HIBCH: variants seen among roughly 807,000 people sequenced by gnomAD.
HIBCH encodes the protein 3-hydroxyisobutyryl-CoA hydrolase, also known as 3-hydroxyisobutyryl-CoA hydrolase, mitochondrial.
In HIBCH, 50 loss-of-function variants were observed where a neutral mutation model predicts 58.2. The ratio of observed to expected loss-of-function variants is 0.86; its 90% CI spans 0.68 to 1.09. HIBCH has a LOEUF of 1.09. HIBCH is among the 50% of genes least tolerant of loss of function. The pLI, the probability that HIBCH is intolerant of heterozygous loss-of-function variation, is 0.00. For missense variants in HIBCH, 450 were observed against 449.7 expected (o/e 1.00, Z -0.01); for synonymous variants, 151 against 146.9 (o/e 1.03, Z -0.20).
Position 190,252,247 on chromosome 2 carries a change from T to A in HIBCH, c.578A>T (p.Tyr193Phe). 3 of 1,612,626 alleles carry A rather than the reference T, an allele frequency of 1.9e-6. No individual in the cohort carries two copies. The highest frequency in any genetic ancestry group is 2.5e-6 in the Non-Finnish European group (3 of 1,178,670). ...TCTGAATCCTGTTAATGCAAGGAAGTAACCAAGTTTTCCTTGGAGTCGTGG... is the reference window on the plus strand; with the variant it reads ...TCTGAATCCTGTTAATGCAAGGAAGAAACCAAGTTTTCCTTGGAGTCGTGG... ...FLPRLQGKLGYFLALTGFRLK... is the reference protein window; with the variant it reads ...FLPRLQGKLGFFLALTGFRLK... The change falls in exon 8 of 14, where the codon TAC becomes TTC. Residue 193 changes from tyrosine to phenylalanine, a missense_variant. Physicochemically the swap from Tyr to Phe is conservative, Grantham distance 22. Coordinates refer to ENST00000359678, the MANE Select transcript of HIBCH (RefSeq NM_014362.4).
rs760216966 is a variant in HIBCH at position 190,204,926 on chromosome 2, CTTTA to C, written c.*187_*190del. 1.5e-5 allele frequency: 9 copies of C among 594,482 alleles called. No homozygotes were observed. The highest frequency in any genetic ancestry group is 5.9e-5 in the East Asian group (2 of 34,056). The allele number at this position is 594,482 out of a possible 1,614,324, so 36.8% of individuals were successfully genotyped here. A position where few individuals can be genotyped will look rare whatever the true frequency, so the allele number is the denominator to read the frequency against. On this transcript the variant is annotated 3_prime_UTR_variant, in exon 14 of 14. Transcript: ENST00000359678. ...ATGAGTATAGCTAGTTCCAATAAAG[CTTTA>C]TTTGTGAATTCTGATAATTTTCACG... is the stretch of plus-strand genomic sequence containing the variant.
At chr2:190,202,535 A>G (rs753562275), downstream of HIBCH, 226 of 167,196 alleles carry the variant, frequency 1.4e-3, 1 homozygote, top group Non-Finnish European at 4.4e-4. Flanking sequence ...ATGGATGAGA[A>G]TATCACTGAT....
intron 11 of HIBCH, among the ~76,000 whole-genome samples, chr2:190,219,539 T>C (rs1029416868): frequency 2.0e-5 from 3 of 152,316 alleles, no homozygotes; most frequent in African/African-American, 7.2e-5. Context: ...TTTGTTCTTA[T>C]CGGCCTGCCC....
intron 11 of HIBCH, among the ~76,000 whole-genome samples, chr2:190,221,536 T>C (rs543172835): frequency 5.3e-5 from 8 of 152,194 alleles, no homozygotes; most frequent in Non-Finnish European, 1.2e-4. Flanking sequence ...CTGATACTGA[T>C]AGGGACAGGA....
In HIBCH at chr2:190,213,846, G is replaced by A. The variant is rs1396989532; in HGVS notation, c.892-771C>T. ...GGACTCAGCCTATAAGGAACCGGGG[G>A]AGGGACCTGTGCACTAGGAGGTTAA... On this transcript the variant is annotated intron_variant, in intron 11 of 13. Transcript: ENST00000359678. 2.0e-5 allele frequency: 3 copies of A among 152,218 alleles called. No individual in the cohort carries two copies. The East Asian group carries it at 5.8e-4, about 29-fold the overall frequency. 9.4% of individuals were successfully genotyped at this position (152,218 alleles called of 1,614,324 possible).
At chr2:190,191,422 G>A (rs957298484) in intron 1 of HIBCH, among the ~76,000 whole-genome samples, 1 of 152,176 alleles carries the variant, frequency 6.6e-6, no homozygotes, top group Non-Finnish European at 1.5e-5. Flanking sequence ...TGGGATTACA[G>A]GCATGCGCCA....
chr2:190,287,907 A>T (rs1384030041), intron 5 of HIBCH, among the ~76,000 whole-genome samples: 1 of 151,968 alleles, frequency 6.6e-6, no homozygotes, highest in Non-Finnish European at 1.5e-5. Flanking sequence ...CTGTAATCTA[A>T]CCTCTTTGGG....
At chr2:190,189,945 G>A (rs1022933307) in exon 2 of HIBCH, 1 of 152,370 alleles carries the variant, frequency 6.6e-6, no homozygotes, top group Middle Eastern at 3.4e-3. Flanking sequence ...GCCTCACACT[G>A]GAGTCCTCCA....
At chr2:190,278,738 C>CAA (rs34358967) in intron 6 of HIBCH, among the ~76,000 whole-genome samples, 12,955 of 79,418 alleles carry the variant, frequency 0.16, 1,247 homozygotes, top group East Asian at 0.32. Context: ...GACTCCATCT[C>CAA]AAAAAAAAAA....
At chr2:190,208,565 C>T (rs904896644) in intron 13 of HIBCH, 16 of 383,888 alleles carry the variant, frequency 4.2e-5, no homozygotes, top group Non-Finnish European at 5.8e-5. Context: ...AAAACATACA[C>T]AACTTTGCAA....
chr2:190,235,921 G>T (rs943771212), intron 11 of HIBCH, among the ~76,000 whole-genome samples: 1 of 152,196 alleles, frequency 6.6e-6, no homozygotes, highest in African/African-American at 2.4e-5. Flanking sequence ...ATACTGGATT[G>T]TCATTTTCAT....
At chr2:190,212,935 A>G (rs770060999) in intron 12 of HIBCH, 21 bp downstream of exon 12, 53 of 1,513,076 alleles carry the variant, frequency 3.5e-5, no homozygotes, top group Non-Finnish European at 4.6e-5. Context: ...AAAAAATGAC[A>G]TTTTTTTTTT....
At chr2:190,285,240 C>A (rs1439524491) in intron 6 of HIBCH, among the ~76,000 whole-genome samples, 3 of 152,162 alleles carry the variant, frequency 2.0e-5, no homozygotes, top group Non-Finnish European at 4.4e-5. Context: ...TTGCTCTATC[C>A]TTATGGGATT....
chr2:190,314,338 CAT>C (rs1559068460), intron 1 of HIBCH, among the ~76,000 whole-genome samples: 3 of 130,802 alleles, frequency 2.3e-5, no homozygotes, highest in African/African-American at 9.2e-5. Context: ...TGTATATATA[CAT>C]ATATATGTGT....
At chr2:190,232,754 C>T (rs1048677910) in intron 11 of HIBCH, among the ~76,000 whole-genome samples, 1 of 152,036 alleles carries the variant, frequency 6.6e-6, no homozygotes, top group Non-Finnish European at 1.5e-5. Flanking sequence ...GTCAGGAGAT[C>T]GAGACCACCC....
intron 9 of HIBCH, among the ~76,000 whole-genome samples, chr2:190,248,334 GT>G (rs1006584003): frequency 2.2e-4 from 33 of 151,494 alleles, no homozygotes; most frequent in Non-Finnish European, 2.7e-4. Flanking sequence ...ACGTCTATGG[GT>G]TTTTTTTTCT....
At chr2:190,195,969 T>C (rs1445818376) in intron 1 of HIBCH, among the ~76,000 whole-genome samples, 2 of 121,052 alleles carry the variant, frequency 1.7e-5, no homozygotes, top group Non-Finnish European at 3.6e-5. Flanking sequence ...TTTTGGCATA[T>C]GGATGATTTG....
intron 6 of HIBCH, among the ~76,000 whole-genome samples, chr2:190,272,028 A>G (rs904662343): frequency 1.3e-5 from 2 of 152,158 alleles, no homozygotes; most frequent in South Asian, 2.1e-4. Flanking sequence ...TACTACTCTC[A>G]GCTTTTCTTC....
intron 6 of HIBCH, among the ~76,000 whole-genome samples, chr2:190,261,503 G>A (rs1385607457): frequency 6.6e-6 from 1 of 151,834 alleles, no homozygotes; most frequent in Non-Finnish European, 1.5e-5. Context: ...CCTCCACAGA[G>A]ACACATAGCT....
Sources: gnomAD v4.1 joint callset for allele counts (sites outside exome capture counted in the v4.1 genomes callset) on GRCh38, gnomAD v4.1.1 for gene constraint, MANE v1.5 for transcripts, NCBI Gene and HGNC (gene_info 2026-07-23, HGNC 2026-07-21) for gene names.